The following TOP6BL variants were observed in gnomAD, a reference collection of about 807,000 sequenced individuals.
TOP6BL encodes the protein TOP6B like initiator of meiotic double strand breaks.
the TOP6BL span, among the ~76,000 whole-genome samples, chr11:66,819,142 T>C: frequency 6.6e-6 from 1 of 152,224 alleles, no homozygotes; most frequent in Admixed American, 6.5e-5. Context: ...GCCTCTTTTT[T>C]AGGAAACAGA....
At chr11:66,785,729 C>A in the TOP6BL span, among the ~76,000 whole-genome samples, 1 of 152,130 alleles carries the variant, frequency 6.6e-6, no homozygotes, top group Non-Finnish European at 1.5e-5. Flanking sequence ...TGCCAGAATC[C>A]CCTTGGCTGT....
At chr11:66,745,015 C>T in the TOP6BL span, 2 of 1,188,042 alleles carry the variant, frequency 1.7e-6, no homozygotes, top group Non-Finnish European at 2.1e-6. Flanking sequence ...TCGGGCGTCG[C>T]CTAAGGTGAA....
the TOP6BL span, among the ~76,000 whole-genome samples, chr11:66,815,181 T>C: frequency 6.6e-6 from 1 of 152,248 alleles, no homozygotes; most frequent in Non-Finnish European, 1.5e-5. Flanking sequence ...GGTGAATTTC[T>C]AGGGATCGCC....
the TOP6BL span, chr11:66,843,107 G>T: frequency 3.1e-6 from 5 of 1,598,334 alleles, no homozygotes; most frequent in African/African-American, 5.4e-5. Flanking sequence ...GGGCTCAGCA[G>T]GAGGTGCAGG....
the TOP6BL span, among the ~76,000 whole-genome samples, chr11:66,746,002 G>A: frequency 7.9e-5 from 12 of 152,086 alleles, no homozygotes; most frequent in Non-Finnish European, 5.9e-5. Context: ...GTAGAGACAG[G>A]TTTTCACCAT....
At chr11:66,800,606 A>T in the TOP6BL span, 3 of 1,534,540 alleles carry the variant, frequency 2.0e-6, no homozygotes, top group Non-Finnish European at 2.7e-6. Context: ...ATCTTGGCTC[A>T]TGTTAAATCT....
the TOP6BL span, among the ~76,000 whole-genome samples, chr11:66,801,997 A>G: frequency 3.1e-4 from 47 of 152,220 alleles, no homozygotes; most frequent in Non-Finnish European, 2.6e-4. Context: ...CTTAAGTCCA[A>G]TTAATTTATT....
chr11:66,815,929 G>T, the TOP6BL span: 1 of 907,814 alleles, frequency 1.1e-6, no homozygotes, highest in Non-Finnish European at 1.6e-6. Flanking sequence ...GAGGGTAAAT[G>T]GGTGTTCAGA....
At chr11:66,836,591 A>T in the TOP6BL span, among the ~76,000 whole-genome samples, 1 of 150,072 alleles carries the variant, frequency 6.7e-6, no homozygotes, top group African/African-American at 2.4e-5. Context: ...GGTGGCTCAC[A>T]CTTGTAATCC....
the TOP6BL span, among the ~76,000 whole-genome samples, chr11:66,752,851 A>G: frequency 8.5e-5 from 13 of 152,282 alleles, no homozygotes; most frequent in African/African-American, 2.9e-4. Flanking sequence ...TGGCTTGGCC[A>G]GGCGCGGTGG....
chr11:66,811,268 A>G, the TOP6BL span, among the ~76,000 whole-genome samples: 7 of 152,056 alleles, frequency 4.6e-5, no homozygotes, highest in South Asian at 8.3e-4. Context: ...CCTGAGTTCA[A>G]TCAATCAGGC....
chr11:66,777,291 A>G, the TOP6BL span, among the ~76,000 whole-genome samples: 1 of 151,764 alleles, frequency 6.6e-6, no homozygotes, highest in Non-Finnish European at 1.5e-5. Context: ...CCCCATTATT[A>G]TGAATAGCAG....
At chr11:66,836,760 G>C in the TOP6BL span, among the ~76,000 whole-genome samples, 2 of 147,180 alleles carry the variant, frequency 1.4e-5, no homozygotes, top group Admixed American at 6.8e-5. Context: ...GAGTGAAGTG[G>C]AGCATTCTCA....
the TOP6BL span, among the ~76,000 whole-genome samples, chr11:66,790,046 G>A: frequency 5.9e-5 from 9 of 152,156 alleles, no homozygotes; most frequent in African/African-American, 2.2e-4. Flanking sequence ...GCTGAGGCGG[G>A]TGGATCATGA....
At chr11:66,784,254 C>T in the TOP6BL span, among the ~76,000 whole-genome samples, 7 of 152,024 alleles carry the variant, frequency 4.6e-5, no homozygotes, top group Non-Finnish European at 8.8e-5. Context: ...AGGATGGTCT[C>T]GATCTCCTGA....
the TOP6BL span, among the ~76,000 whole-genome samples, chr11:66,781,924 A>G: frequency 6.6e-6 from 1 of 152,062 alleles, no homozygotes; most frequent in African/African-American, 2.4e-5. Flanking sequence ...TTTGTTTTAT[A>G]CTGGGCAATA....
the TOP6BL span, among the ~76,000 whole-genome samples, chr11:66,818,757 G>A: frequency 6.6e-6 from 1 of 152,114 alleles, no homozygotes; most frequent in Non-Finnish European, 1.5e-5. Context: ...TTTTTTTAAG[G>A]TCTGTCAGAA....
the TOP6BL span, among the ~76,000 whole-genome samples, chr11:66,819,611 T>C: frequency 2.0e-5 from 3 of 150,702 alleles, no homozygotes; most frequent in Non-Finnish European, 4.4e-5. Context: ...TCTCTACATA[T>C]ACAAATTTGC....
chr11:66,783,553 G>A, the TOP6BL span, among the ~76,000 whole-genome samples: 3 of 152,040 alleles, frequency 2.0e-5, no homozygotes, highest in Non-Finnish European at 4.4e-5. Flanking sequence ...GCTTATCCTT[G>A]TTATTTTGGG....
Sources: allele counts gnomAD v4.1 joint callset (sites outside exome capture counted in the v4.1 genomes callset), GRCh38; gene constraint gnomAD v4.1.1; transcripts MANE v1.5; gene names NCBI Gene and HGNC (gene_info 2026-07-23, HGNC 2026-07-21).